Variants in CTSL observed in about 807,000 individuals in gnomAD.
CTSL encodes cathepsin L, also known as procathepsin L.
A neutral mutation model predicts 34.7 loss-of-function variants in CTSL; 23 were observed. The observed-to-expected ratio is 0.66, with a 90% CI of 0.48 to 0.94. CTSL has a LOEUF of 0.94. Among genes scored for constraint, CTSL ranks in the 40% least tolerant of loss-of-function variants. The probability of loss-of-function intolerance (pLI) is 0.00; values close to 1 mark genes in which losing one functional copy is unlikely to be tolerated. For missense variants in CTSL, 361 were observed against 406.3 expected, an observed-to-expected ratio of 0.89 and a Z score of 0.96; for synonymous variants, 129 against 136.7, an observed-to-expected ratio of 0.94 and a Z score of 0.39.
At position 87,729,611 on chromosome 9, in the gene CTSL, T is replaced by C; in HGVS notation, c.660T>C (p.Ala220=). ...SCKYNPKYSV[A]NDTGFVDIPK... is the part of the protein sequence containing the mutation. Reference sequence around the variant, plus strand: ...AGTACAATCCCAAGTATTCTGTTGCTAATGACACCGGCTTTGTGGACATCC... The same window carrying C: ...AGTACAATCCCAAGTATTCTGTTGCCAATGACACCGGCTTTGTGGACATCC... The change falls in exon 6 of 8, where the codon GCT becomes GCC. Residue 220 remains alanine (A), a synonymous_variant. Transcript: ENST00000343150. The C allele has an allele frequency of 6.2e-7, 1 of 1,614,204 alleles. No homozygotes were observed. The highest frequency in any genetic ancestry group is 2.2e-5 in the East Asian group (1 of 44,884).
Position 87,729,697 on chromosome 9 carries a change from T to C in CTSL, c.746T>C (p.Ile249Thr), listed in dbSNP as rs535977772. The C allele has an allele frequency of 1.9e-6, 3 of 1,613,992 alleles. No individual in the cohort carries two copies. Among genetic ancestry groups the C allele is most frequent in the Admixed American group, 1.7e-5 (1 of 59,994 alleles). ...ACTGTGGGGCCCATTTCTGTTGCTA[T>C]TGATGCAGGTCATGAGTCCTTCCTG... ...VATVGPISVA[I>T]DAGHESFLFY... Residue 249 changes from isoleucine (I) to threonine (T), a missense_variant, in exon 6 of 8, where the codon ATT becomes ACT. By Grantham distance (89) the Ile-to-Thr change is moderately conservative. Coordinates refer to ENST00000343150, the MANE Select transcript of CTSL (RefSeq NM_001912.5).
At position 87,731,267 on chromosome 9, in the gene CTSL, T is replaced by G; in HGVS notation, c.*160T>G. The stretch of plus-strand genomic sequence containing the variant: ...TGTGATATTTTCACACTGGTAAATG[T>G]TACCTCTATTTTAATTACTGCTATA... On this transcript the variant is annotated 3_prime_UTR_variant, in exon 8 of 8. Transcript: ENST00000343150. The G allele has an allele frequency of 2.0e-6, 1 of 494,824 alleles. No individual in the cohort carries two copies. Among genetic ancestry groups the G allele is most frequent in the Non-Finnish European group, 3.6e-6 (1 of 276,338 alleles). The allele number at this position is 494,824 out of a possible 1,614,324, so 30.7% of individuals were successfully genotyped here. A position where few individuals can be genotyped will look rare whatever the true frequency, so the allele number is the denominator to read the frequency against.
At chr9:87,729,488 C>G in intron 5 of CTSL, 85 bp from the exon 6 acceptor site, 1 of 1,201,814 alleles carries the variant, frequency 8.3e-7, no homozygotes, top group Non-Finnish European at 1.2e-6. Context: ...AAGCTGCACA[C>G]TGCTGAGTGT....
intron 1 of CTSL, among the ~76,000 whole-genome samples, chr9:87,727,122 T>G (rs2118219812): frequency 6.6e-6 from 1 of 152,294 alleles, no homozygotes; most frequent in South Asian, 2.1e-4. Flanking sequence ...TGGTGTTTGT[T>G]AGTCAGGAAG....
chr9:87,730,924 C>T, intron 7 of CTSL, 84 bp from the exon 8 acceptor site: 1 of 1,070,476 alleles, frequency 9.3e-7, no homozygotes, highest in Non-Finnish European at 1.4e-6. Context: ...TGGCCTCTGG[C>T]ACAGTGTTTA....
intron 6 of CTSL, among the ~76,000 whole-genome samples, chr9:87,730,168 T>C (rs1176728625): frequency 2.6e-5 from 4 of 151,958 alleles, no homozygotes; most frequent in Non-Finnish European, 5.9e-5. Flanking sequence ...CTAGGAAAGC[T>C]TTTTTTTAAT....
intron 5 of CTSL, chr9:87,729,019 C>G (rs1007986770): frequency 7.5e-6 from 10 of 1,333,212 alleles, no homozygotes; most frequent in Middle Eastern, 2.6e-4. Flanking sequence ...AACCTTGACT[C>G]TATCAAAAAT....
Position 87,727,832 on chromosome 9 carries a change from C to A in CTSL, c.126+103C>A, listed in dbSNP as rs913794238. 5 of 1,462,598 alleles carry A rather than the reference C, an allele frequency of 3.4e-6. No individual in the cohort carries two copies. In the African/African-American group the frequency reaches 5.6e-5, roughly 16 times the overall value. 90.6% of individuals were successfully genotyped at this position (1,462,598 alleles called of 1,614,324 possible). On this transcript the variant is annotated intron_variant, in intron 2 of 7. Transcript: ENST00000343150. ...TTTTACCAATAGCCTAATGTAATAACCTAATGGCGTGGATTATGAGCACAA... is the reference window on the plus strand; with the variant it reads ...TTTTACCAATAGCCTAATGTAATAAACTAATGGCGTGGATTATGAGCACAA...
At position 87,728,369 on chromosome 9, in the gene CTSL, A is replaced by G; in HGVS notation, c.369A>G (p.Lys123=). Residue 123 remains lysine, a synonymous_variant, in exon 4 of 8, where the codon AAA becomes AAG. Transcript: ENST00000343150. Reference sequence around the variant, plus strand: ...CCAGATCTGTGGATTGGAGAGAGAAAGGCTACGTGACTCCTGTGAAGAATC... The same window carrying G: ...CCAGATCTGTGGATTGGAGAGAGAAGGGCTACGTGACTCCTGTGAAGAATC... ...EAPRSVDWRE[K]GYVTPVKNQG... 1 of 1,614,142 alleles carries G rather than the reference A, an allele frequency of 6.2e-7. No homozygotes were observed. The highest frequency in any genetic ancestry group is 8.5e-7 in the Non-Finnish European group (1 of 1,180,024).
chr9:87,730,790 G>A (rs1364807555), intron 7 of CTSL, among the ~76,000 whole-genome samples: 1 of 152,190 alleles, frequency 6.6e-6, no homozygotes, highest in Non-Finnish European at 1.5e-5. Context: ...TCCTGTCTCT[G>A]ATCTGTAGTT....
At position 87,731,201 on chromosome 9, in the gene CTSL, A is replaced by G; in HGVS notation, c.*94A>G. 1 of 804,990 alleles carries G rather than the reference A, an allele frequency of 1.2e-6. No individual in the cohort carries two copies. The highest frequency in any genetic ancestry group is 2.0e-6 in the Non-Finnish European group (1 of 493,404). 49.9% of individuals were successfully genotyped at this position (804,990 alleles called of 1,614,324 possible). ...TCTACCAGCCCCCGCTGTGTCGGAT[A>G]CACACTCGAATCATTGAAGATCCGA... On this transcript the variant is annotated 3_prime_UTR_variant, in exon 8 of 8. Transcript: ENST00000343150.
chr9:87,731,426 G>A lies in CTSL; in HGVS notation c.*319G>A, dbSNP rs1221663462. The A allele has an allele frequency of 5.0e-6, 1 of 200,884 alleles. No individual in the cohort carries two copies. Among genetic ancestry groups the A allele is most frequent in the African/African-American group, 2.3e-5 (1 of 43,272 alleles). The allele number at this position is 200,884 out of a possible 1,614,324, so 12.4% of individuals were successfully genotyped here. On this transcript the variant is annotated 3_prime_UTR_variant, in exon 8 of 8. Coordinates refer to ENST00000343150, the MANE Select transcript of CTSL (RefSeq NM_001912.5). Reference sequence around the variant, plus strand: ...GGCTTCTTTCTATTTTTGATGCACTGAATTTTTGTGTAATAAAGAACATAA... The same window carrying A: ...GGCTTCTTTCTATTTTTGATGCACTAAATTTTTGTGTAATAAAGAACATAA...
chr9:87,729,643 A>T lies in CTSL; in HGVS notation c.692A>T (p.Gln231Leu). 6.2e-7 allele frequency: 1 copy of T among 1,614,142 alleles called. No homozygotes were observed. The highest frequency in any genetic ancestry group is 8.5e-7 in the Non-Finnish European group (1 of 1,179,998). ...NDTGFVDIPK[Q>L]EKALMKAVAT... ...ACCGGCTTTGTGGACATCCCTAAGC[A>T]GGAGAAGGCCCTGATGAAGGCAGTT... The change falls in exon 6 of 8, where the codon CAG (glutamine) becomes CTG (leucine). Residue 231 changes from glutamine to leucine, a missense_variant. Transcript: ENST00000343150.
chr9:87,728,072 A>G lies in CTSL; in HGVS notation c.172A>G (p.Met58Val), dbSNP rs762281218. 49 of 1,613,876 alleles carry G rather than the reference A, an allele frequency of 3.0e-5. 1 individual carries two copies. Among genetic ancestry groups the G allele is most frequent in the East Asian group, 2.2e-5 (1 of 44,892 alleles). ...RRAVWEKNMK[M>V]IELHNQEYRE... ...AGCAGTGTGGGAGAAGAACATGAAG[A>G]TGATTGAACTGCACAATCAGGAATA... Residue 58 changes from methionine to valine, a missense_variant, in exon 3 of 8, where the codon ATG (methionine) becomes GTG (valine). By Grantham distance (21) the Met-to-Val change is conservative. Coordinates refer to ENST00000343150, the MANE Select transcript of CTSL (RefSeq NM_001912.5).
rs759124688 is a variant in CTSL at position 87,727,704 on chromosome 9, C to T, written c.101C>T (p.Ala34Val). Residue 34 changes from alanine (A) to valine (V), a missense_variant, in exon 2 of 8, where the codon GCG becomes GTG. Physicochemically the swap from Ala to Val is moderately conservative, Grantham distance 64. Coordinates refer to ENST00000343150, the MANE Select transcript of CTSL (RefSeq NM_001912.5). ...GAGGCACAGTGGACCAAGTGGAAGG[C>T]GATGCACAACAGATTATACGGCATG... ...SLEAQWTKWK[A>V]MHNRLYGMNE... 86 of 1,613,992 alleles carry T rather than the reference C, an allele frequency of 5.3e-5. No individual in the cohort carries two copies. Among genetic ancestry groups the T allele is most frequent in the Non-Finnish European group, 6.8e-5 (80 of 1,180,030 alleles).
At chr9:87,730,560 T>A in intron 7 of CTSL, 62 bp downstream of exon 7, 2 of 1,206,038 alleles carry the variant, frequency 1.7e-6, no homozygotes, top group Non-Finnish European at 2.4e-6. Context: ...TTGCAAACAG[T>A]GTTTGGATAC....
At chr9:87,726,764 G>GA (rs1483601009) in intron 1 of CTSL, among the ~76,000 whole-genome samples, 1 of 152,128 alleles carries the variant, frequency 6.6e-6, no homozygotes, top group East Asian at 1.9e-4. Context: ...AGAGGTTGGG[G>GA]CGGCGCGGTG....
chr9:87,726,656 G>A (rs894963118), intron 1 of CTSL, among the ~76,000 whole-genome samples: 12 of 152,224 alleles, frequency 7.9e-5, no homozygotes, highest in African/African-American at 2.7e-4. Flanking sequence ...AGTTTGGGGT[G>A]TCGGCAGCAC....
rs778182078 is a variant in CTSL, at chr9:87,728,343, C to T, written c.343C>T (p.Pro115Ser). 2 of 1,614,004 alleles carry T rather than the reference C, an allele frequency of 1.2e-6. No homozygotes were observed. The highest frequency in any genetic ancestry group is 2.2e-5 in the East Asian group (1 of 44,872). ...CCAGGAACCTCTGTTTTATGAGGCC[C>T]CCAGATCTGTGGATTGGAGAGAGAA... Reference protein sequence around the residue: ...VFQEPLFYEAPRSVDWREKGY... With the variant: ...VFQEPLFYEASRSVDWREKGY... The change falls in exon 4 of 8, where the codon CCC becomes TCC. Residue 115 changes from proline to serine, a missense_variant. Coordinates refer to ENST00000343150, the MANE Select transcript of CTSL (RefSeq NM_001912.5).
Sources: gnomAD v4.1 joint callset for allele counts (sites outside exome capture counted in the v4.1 genomes callset) on GRCh38, gnomAD v4.1.1 for gene constraint, MANE v1.5 for transcripts, NCBI Gene and HGNC (gene_info 2026-07-23, HGNC 2026-07-21) for gene names.